HDX: variants seen among roughly 807,000 people sequenced by gnomAD.
HDX encodes the protein chromosome X open reading frame 43.
A neutral mutation model predicts 45.2 loss-of-function variants in HDX; 19 were observed. The observed-to-expected ratio is 0.42, with a 90% CI of 0.29 to 0.62. The LOEUF is 0.62. Among genes scored for constraint, HDX ranks in the 20% least tolerant of loss-of-function variants. The pLI is 0.20. For missense variants in HDX, 532 were observed against 493.9 expected (o/e 1.08, Z -0.73); for synonymous variants, 188 against 172.8 (o/e 1.09, Z -0.69).
intron 4 of HDX, among the ~76,000 whole-genome samples, chrX:84,440,890 A>G (rs1414684108): frequency 9.0e-6 from 1 of 110,907 alleles, no homozygotes; most frequent in African/African-American, 3.3e-5. Flanking sequence ...TACATTTGTT[A>G]TAATAAAAAT....
intron 5 of HDX, among the ~76,000 whole-genome samples, chrX:84,415,512 G>A (rs2039083338): frequency 9.0e-6 from 1 of 111,719 alleles, no homozygotes; most frequent in African/African-American, 3.3e-5. Context: ...TCAGAGATCT[G>A]AGTCCCAGCT....
intron 4 of HDX, among the ~76,000 whole-genome samples, chrX:84,459,744 A>G (rs573075780): frequency 8.9e-6 from 1 of 111,785 alleles, no homozygotes; most frequent in African/African-American, 3.2e-5. Context: ...AGATCAATGA[A>G]GTTAAAAGTT....
rs759770441 is a variant in HDX at position 84,396,937 on chromosome X, G to A, written c.1306-35325C>T. On this transcript the variant is annotated intron_variant, in intron 5 of 10. Coordinates refer to ENST00000373177, the MANE Select transcript of HDX (RefSeq NM_001177479.2). ...TAGGTAGGGACAGAGTAATCCTTAGGCCACAAGTAGAATGCTAAAGAGAGG... is the reference window on the plus strand; with the variant it reads ...TAGGTAGGGACAGAGTAATCCTTAGACCACAAGTAGAATGCTAAAGAGAGG... Among the ~76,000 whole-genome samples, 55 of 111,657 alleles carry A rather than the reference G, an allele frequency of 4.9e-4. 1 individual carries two copies. The highest frequency in any genetic ancestry group is 1.7e-3 in the African/African-American group (51 of 30,787).
intron 8 of HDX, 28 bp downstream of exon 8, chrX:84,336,773 T>C: frequency 1.0e-6 from 1 of 960,341 alleles, no homozygotes; most frequent in Non-Finnish European, 1.5e-6. Context: ...AACCATGTAA[T>C]GAGAAAAGAA....
At chrX:84,414,210 T>G (rs187891724) in intron 5 of HDX, among the ~76,000 whole-genome samples, 2 of 111,810 alleles carry the variant, frequency 1.8e-5, no homozygotes, top group African/African-American at 6.5e-5. Context: ...AGATATTTAT[T>G]AACAGTACAA....
intron 4 of HDX, among the ~76,000 whole-genome samples, chrX:84,454,398 A>G (rs1022119583): frequency 9.0e-6 from 1 of 111,274 alleles, no homozygotes; most frequent in Non-Finnish European, 1.9e-5. Flanking sequence ...TATAACTGAA[A>G]AGTACATTGA....
intron 4 of HDX, among the ~76,000 whole-genome samples, chrX:84,442,524 A>G (rs2039782463): frequency 9.0e-6 from 1 of 111,383 alleles, no homozygotes; most frequent in Admixed American, 9.6e-5. Context: ...AATTAACTGG[A>G]ATGCTAGGGG....
intron 5 of HDX, among the ~76,000 whole-genome samples, chrX:84,376,904 T>C (rs2038070916): frequency 9.0e-6 from 1 of 111,426 alleles, no homozygotes. Context: ...AGTGCGAACA[T>C]AGACAGTAGC....
intron 5 of HDX, among the ~76,000 whole-genome samples, chrX:84,439,208 G>GA (rs1234075455): frequency 9.0e-6 from 1 of 111,093 alleles, no homozygotes; most frequent in African/African-American, 3.3e-5. Context: ...ACCTTCTTTT[G>GA]AAAAGTGCCT....
At chrX:84,369,408 T>C in intron 5 of HDX, among the ~76,000 whole-genome samples, 1 of 112,267 alleles carries the variant, frequency 8.9e-6, no homozygotes, top group East Asian at 2.8e-4. Flanking sequence ...AAAACCCTGT[T>C]TTTAATTCCT....
chrX:84,489,859 G>A (rs1416027149), intron 1 of HDX, among the ~76,000 whole-genome samples: 1 of 111,973 alleles, frequency 8.9e-6, no homozygotes, highest in Non-Finnish European at 1.9e-5. Context: ...CTTTTGTGTA[G>A]ATTTCATATT....
intron 5 of HDX, among the ~76,000 whole-genome samples, chrX:84,401,175 A>AT (rs1328605682): frequency 8.9e-6 from 1 of 112,209 alleles, no homozygotes; most frequent in African/African-American, 3.2e-5. Context: ...ACCAAAAGCA[A>AT]TTGCAACAAA....
At chrX:84,372,480 C>G (rs1243159860) in intron 5 of HDX, among the ~76,000 whole-genome samples, 2 of 111,914 alleles carry the variant, frequency 1.8e-5, no homozygotes, top group Admixed American at 1.9e-4. Context: ...TACATAAGCA[C>G]ACAGCAAGTT....
Position 84,319,261 on chromosome X carries a change from A to C in HDX, c.*2628T>G, listed in dbSNP as rs1255038072. The C allele has an allele frequency of 3.6e-5, 4 of 111,089 alleles. No homozygotes were observed. In the Admixed American group the frequency reaches 3.8e-4, roughly 11 times the overall value. The allele number at this position is 111,089 out of a possible 1,213,427, so 9.2% of individuals were successfully genotyped here. Reference sequence around the variant, plus strand: ...CTAAAGAAAGAAACACTAGTTAGTTAATTTTTATCCCCAGCCATGAAGATG... The same window carrying C: ...CTAAAGAAAGAAACACTAGTTAGTTCATTTTTATCCCCAGCCATGAAGATG... On this transcript the variant is annotated 3_prime_UTR_variant, in exon 11 of 11. Coordinates refer to ENST00000373177, the MANE Select transcript of HDX (RefSeq NM_001177479.2).
At chrX:84,480,399 G>A (rs781027265) in intron 2 of HDX, among the ~76,000 whole-genome samples, 2 of 111,736 alleles carry the variant, frequency 1.8e-5, no homozygotes, top group African/African-American at 6.5e-5. Context: ...AGAGCTATGA[G>A]AGTAGACATT....
chrX:84,380,446 T>G lies in HDX; in HGVS notation c.1306-18834A>C, dbSNP rs2038161488. On this transcript the variant is annotated intron_variant, in intron 5 of 10. Coordinates refer to ENST00000373177, the MANE Select transcript of HDX (RefSeq NM_001177479.2). ...AAAAAGAAAACTGTAAGTCAATATC[T>G]CTGATAAATATCGATGTAAACATCC... is the stretch of plus-strand genomic sequence containing the variant. Among the ~76,000 whole-genome samples, 3 of 110,511 alleles carry G rather than the reference T, an allele frequency of 2.7e-5. No individual in the cohort carries two copies. In the South Asian group the frequency reaches 1.1e-3, roughly 41 times the overall value.
At chrX:84,472,362 G>T (rs968781381) in intron 3 of HDX, among the ~76,000 whole-genome samples, 1 of 111,320 alleles carries the variant, frequency 9.0e-6, no homozygotes, top group Non-Finnish European at 1.9e-5. Context: ...TAGCAACCTA[G>T]CAACCTCCCT....
intron 5 of HDX, among the ~76,000 whole-genome samples, chrX:84,399,007 C>G (rs1035561364): frequency 1.8e-5 from 2 of 111,637 alleles, no homozygotes; most frequent in East Asian, 5.6e-4. Context: ...TCAAGAAATT[C>G]TTTGAAATGA....
At chrX:84,450,104 A>AT (rs973627732) in intron 4 of HDX, among the ~76,000 whole-genome samples, 101 of 78,542 alleles carry the variant, frequency 1.3e-3, no homozygotes, top group Non-Finnish European at 9.7e-4. Flanking sequence ...TTAAAGTATA[A>AT]TAAAAAAAAA....
Sources: allele counts gnomAD v4.1 joint callset (sites outside exome capture counted in the v4.1 genomes callset), GRCh38; gene constraint gnomAD v4.1.1; transcripts MANE v1.5; gene names NCBI Gene and HGNC (gene_info 2026-07-23, HGNC 2026-07-21).